KCNH7: variants seen among roughly 807,000 people sequenced by gnomAD.
KCNH7 encodes the protein potassium voltage-gated channel subfamily H member 7, also known as voltage-gated inwardly rectifying potassium channel KCNH7.
A neutral mutation model predicts 120.8 loss-of-function variants in KCNH7; 49 were observed. The observed-to-expected ratio is 0.41, with a 90% CI of 0.32 to 0.51. KCNH7 has a LOEUF of 0.51. KCNH7 is among the 20% of genes least tolerant of loss of function. The pLI is 0.38. For missense variants in KCNH7, 1,097 were observed against 1,446.6 expected (o/e 0.76, Z 3.92); for synonymous variants, 547 against 516.1 (o/e 1.06, Z -0.81).
chr2:162,699,085 A>T (rs1686399750), intron 2 of KCNH7, among the ~76,000 whole-genome samples: 1 of 152,094 alleles, frequency 6.6e-6, no homozygotes, highest in Non-Finnish European at 1.5e-5. Context: ...GTGGTGAAAA[A>T]CTTAAAATCT....
chr2:162,389,384 T>A (rs1686674154), intron 12 of KCNH7, among the ~76,000 whole-genome samples: 1 of 152,020 alleles, frequency 6.6e-6, no homozygotes, highest in African/African-American at 2.4e-5. Flanking sequence ...ATTTTCTTTC[T>A]GACGCAATCA....
At chr2:162,458,501 T>C (rs1342583256) in intron 6 of KCNH7, among the ~76,000 whole-genome samples, 2 of 152,152 alleles carry the variant, frequency 1.3e-5, no homozygotes, top group Non-Finnish European at 2.9e-5. Flanking sequence ...TCTAGTCTAA[T>C]GCTTGTTTCC....
chr2:162,550,765 A>C (rs2105856602), intron 2 of KCNH7, among the ~76,000 whole-genome samples: 1 of 152,268 alleles, frequency 6.6e-6, no homozygotes, highest in South Asian at 2.1e-4. Flanking sequence ...AGACAAAGAA[A>C]GTAAATGGAA....
At chr2:162,797,140 GTC>G (rs1384480632) in intron 2 of KCNH7, 2 of 152,020 alleles carry the variant, frequency 1.3e-5, no homozygotes, top group Non-Finnish European at 2.9e-5. Flanking sequence ...GACAACCCCT[GTC>G]TCTCGTGTCT....
At chr2:162,564,193 C>A (rs557886492) in intron 2 of KCNH7, among the ~76,000 whole-genome samples, 1 of 151,886 alleles carries the variant, frequency 6.6e-6, no homozygotes, top group Admixed American at 6.6e-5. Flanking sequence ...CTATTTCCAC[C>A]CCTCCATTAA....
At chr2:162,707,848 T>C (rs183039014) in intron 2 of KCNH7, among the ~76,000 whole-genome samples, 10 of 152,242 alleles carry the variant, frequency 6.6e-5, no homozygotes, top group African/African-American at 2.4e-4. Context: ...AAGCAGATAC[T>C]CTTCAGTCCC....
rs144554996 is a variant in KCNH7, at chr2:162,557,459, T to A, written c.308-20379A>T. On this transcript the variant is annotated intron_variant, in intron 2 of 15. Transcript: ENST00000332142. ...AATGAGTCCACAGGGTCCACTCATA[T>A]TCAAGGACACAGAGAAACAGATTTC... Among the ~76,000 whole-genome samples, 353 of 152,312 alleles carry A rather than the reference T, an allele frequency of 2.3e-3. 1 individual carries two copies. Among genetic ancestry groups the A allele is most frequent in the African/African-American group, 7.9e-3 (330 of 41,578 alleles).
At chr2:162,571,737 C>A (rs1314606703) in intron 2 of KCNH7, among the ~76,000 whole-genome samples, 1 of 128,088 alleles carries the variant, frequency 7.8e-6, no homozygotes, top group Non-Finnish European at 1.6e-5. Context: ...TCAGAAATAA[C>A]GCCACTTATC....
At chr2:162,725,581 T>C (rs569134457) in intron 2 of KCNH7, among the ~76,000 whole-genome samples, 19 of 152,304 alleles carry the variant, frequency 1.2e-4, no homozygotes, top group African/African-American at 4.6e-4. Flanking sequence ...ACTAGAATAA[T>C]AGAAGCACTG....
At chr2:162,745,353 T>C (rs1688279433) in intron 2 of KCNH7, among the ~76,000 whole-genome samples, 1 of 152,202 alleles carries the variant, frequency 6.6e-6, no homozygotes, top group South Asian at 2.1e-4. Context: ...TAACGGCAGC[T>C]TGACAAAATA....
intron 2 of KCNH7, among the ~76,000 whole-genome samples, chr2:162,752,466 A>C (rs1252581676): frequency 6.6e-6 from 1 of 152,160 alleles, no homozygotes; most frequent in Admixed American, 6.6e-5. Flanking sequence ...CATATTTTGA[A>C]AATCATTTAA....
At chr2:162,410,694 G>C (rs1338509402) in intron 9 of KCNH7, among the ~76,000 whole-genome samples, 1 of 151,876 alleles carries the variant, frequency 6.6e-6, no homozygotes. Context: ...TTTGCACACT[G>C]TGCATCTGAT....
intron 9 of KCNH7, among the ~76,000 whole-genome samples, chr2:162,415,375 T>C (rs1687508841): frequency 6.6e-6 from 1 of 152,086 alleles, no homozygotes; most frequent in Non-Finnish European, 1.5e-5. Context: ...CAAATTCTTA[T>C]CAGGCTATGA....
At chr2:162,710,356 T>A (rs1686882953) in intron 2 of KCNH7, among the ~76,000 whole-genome samples, 1 of 152,186 alleles carries the variant, frequency 6.6e-6, no homozygotes, top group African/African-American at 2.4e-5. Context: ...TTTAGAATTT[T>A]TTTTAGAACT....
At chr2:162,376,617 C>T (rs1686200224) in intron 14 of KCNH7, among the ~76,000 whole-genome samples, 1 of 152,004 alleles carries the variant, frequency 6.6e-6, no homozygotes, top group Non-Finnish European at 1.5e-5. Flanking sequence ...CTGCCTCGGC[C>T]TTTCAAAGTG....
chr2:162,724,650 C>T (rs1039040981), intron 2 of KCNH7, among the ~76,000 whole-genome samples: 15 of 138,778 alleles, frequency 1.1e-4, no homozygotes, highest in African/African-American at 3.9e-4. Context: ...CCAGCCTGGG[C>T]GACAGAGCGA....
At chr2:162,818,360 A>G (rs1173376463) in intron 2 of KCNH7, among the ~76,000 whole-genome samples, 1 of 147,176 alleles carries the variant, frequency 6.8e-6, no homozygotes, top group Non-Finnish European at 1.5e-5. Flanking sequence ...TGTTGAAAAG[A>G]CTTACTTTGG....
At chr2:162,696,845 G>A (rs1481946644) in intron 2 of KCNH7, among the ~76,000 whole-genome samples, 1 of 152,096 alleles carries the variant, frequency 6.6e-6, no homozygotes, top group African/African-American at 2.4e-5. Context: ...TAATTGCACT[G>A]ATTGAAACCT....
chr2:162,570,704 G>A (rs1350213313), intron 2 of KCNH7, among the ~76,000 whole-genome samples: 13 of 151,746 alleles, frequency 8.6e-5, no homozygotes, highest in Admixed American at 8.6e-4. Flanking sequence ...CTTCCTTCAG[G>A]AGCTCTTTCA....
Sources: allele counts gnomAD v4.1 joint callset (sites outside exome capture counted in the v4.1 genomes callset), GRCh38; gene constraint gnomAD v4.1.1; transcripts MANE v1.5; gene names NCBI Gene and HGNC (gene_info 2026-07-23, HGNC 2026-07-21).